Variants in LCMT1 observed in about 807,000 individuals in gnomAD.
LCMT1 encodes the protein [Phosphatase 2A protein]-leucine-carboxy methyltransferase 1.
In LCMT1, 32 loss-of-function variants were observed where a neutral mutation model predicts 47.7. The ratio of observed to expected loss-of-function variants is 0.67; its 90% CI spans 0.51 to 0.90. The LOEUF is 0.90. Among genes scored for constraint, LCMT1 ranks in the 40% least tolerant of loss-of-function variants. The pLI, the probability that LCMT1 is intolerant of heterozygous loss-of-function variation, is 0.00. For missense variants in LCMT1, 375 were observed against 415.2 expected, an observed-to-expected ratio of 0.90 and a Z score of 0.84; for synonymous variants, 152 against 149.7, an observed-to-expected ratio of 1.02 and a Z score of -0.11.
At chr16:25,149,694 G>C (rs1220491411) in intron 4 of LCMT1, among the ~76,000 whole-genome samples, 1 of 152,168 alleles carries the variant, frequency 6.6e-6, no homozygotes, top group Admixed American at 6.5e-5. Flanking sequence ...CTGGTGGATT[G>C]CTTGAGCCCA....
At chr16:25,174,618 G>T (rs1389836512) in intron 9 of LCMT1, 1 of 174,194 alleles carries the variant, frequency 5.7e-6, no homozygotes, top group Non-Finnish European at 1.2e-5. Context: ...AATTTACTCT[G>T]CCTGTCTCCT....
chr16:25,113,232 A>C (rs1407874261), intron 1 of LCMT1, among the ~76,000 whole-genome samples: 1 of 151,912 alleles, frequency 6.6e-6, no homozygotes, highest in Non-Finnish European at 1.5e-5. Context: ...TGTTAGAGGA[A>C]CTCAAAAAAT....
intron 1 of LCMT1, among the ~76,000 whole-genome samples, chr16:25,120,671 T>G (rs1008092778): frequency 1.3e-5 from 2 of 151,722 alleles, no homozygotes; most frequent in African/African-American, 2.4e-5. Context: ...TCATGTGATC[T>G]GCTTGCCTTG....
intron 5 of LCMT1, among the ~76,000 whole-genome samples, chr16:25,158,392 C>G (rs1961324762): frequency 6.6e-6 from 1 of 152,270 alleles, no homozygotes; most frequent in Admixed American, 6.5e-5. Context: ...GTCTTGGCCT[C>G]CCAAAGTGCT....
At chr16:25,132,227 C>CAA (rs201097797) in intron 2 of LCMT1, 175 bp from the exon 3 acceptor site, 171 of 584,626 alleles carry the variant, frequency 2.9e-4, no homozygotes, top group Non-Finnish European at 3.5e-4. Flanking sequence ...TGCCTTTAAC[C>CAA]AAAAAAAAAA....
At chr16:25,148,516 G>A (rs1960948184) in intron 4 of LCMT1, among the ~76,000 whole-genome samples, 1 of 152,172 alleles carries the variant, frequency 6.6e-6, no homozygotes, top group African/African-American at 2.4e-5. Flanking sequence ...GCACCCAGTA[G>A]TTCCTTCCAG....
At chr16:25,151,932 T>C (rs1397931435) in intron 5 of LCMT1, among the ~76,000 whole-genome samples, 1 of 90,838 alleles carries the variant, frequency 1.1e-5, no homozygotes, top group Non-Finnish European at 2.4e-5. Context: ...TGAACATACA[T>C]ATTTAATAAG....
chr16:25,155,674 T>C (rs969126549), intron 5 of LCMT1, among the ~76,000 whole-genome samples: 9 of 136,190 alleles, frequency 6.6e-5, no homozygotes, highest in Non-Finnish European at 1.4e-4. Flanking sequence ...CTTTCTTTCT[T>C]TCTTTTTTTT....
rs540410935 is a variant in LCMT1, at chr16:25,147,719, TCTCA to T, written c.405-3831_405-3828del. 184 of 151,918 alleles carry T rather than the reference TCTCA, an allele frequency of 1.2e-3. 1 individual carries two copies. Among genetic ancestry groups the T allele is most frequent in the African/African-American group, 4.3e-3 (178 of 41,408 alleles). 9.4% of individuals were successfully genotyped at this position (151,918 alleles called of 1,614,324 possible). ...AAAAAAATTTGATTTTGAGGCAGGGTCTCACTCCATTGCCCAGGTTGGAGTGCTA... is the reference window on the plus strand; with the variant it reads ...AAAAAAATTTGATTTTGAGGCAGGGTCTCCATTGCCCAGGTTGGAGTGCTA... On this transcript the variant is annotated intron_variant, in intron 4 of 10. Transcript: ENST00000399069.
intron 5 of LCMT1, among the ~76,000 whole-genome samples, chr16:25,153,473 CT>C (rs1961140028): frequency 1.3e-5 from 2 of 151,792 alleles, no homozygotes; most frequent in Non-Finnish European, 2.9e-5. Context: ...TCAGAACACA[CT>C]CCCAATCCCA....
intron 4 of LCMT1, chr16:25,145,504 C>T (rs1219111037): frequency 1.3e-5 from 2 of 152,130 alleles, no homozygotes; most frequent in Non-Finnish European, 2.9e-5. Context: ...GAGAGGGCTA[C>T]ACAAAAGAAA....
intron 8 of LCMT1, among the ~76,000 whole-genome samples, chr16:25,169,765 T>A (rs1567328965): frequency 6.6e-6 from 1 of 151,958 alleles, no homozygotes; most frequent in Non-Finnish European, 1.5e-5. Context: ...ACCTTTTTTT[T>A]ATAGTTGATG....
intron 3 of LCMT1, among the ~76,000 whole-genome samples, chr16:25,135,770 C>A (rs1960485846): frequency 6.6e-6 from 1 of 151,994 alleles, no homozygotes; most frequent in South Asian, 2.1e-4. Context: ...AGGAACAGGA[C>A]AAAGAAGAGT....
At chr16:25,147,187 G>A (rs752094807) in intron 4 of LCMT1, 2 of 152,140 alleles carry the variant, frequency 1.3e-5, no homozygotes, top group Non-Finnish European at 2.9e-5. Flanking sequence ...CTACCAAAGT[G>A]TTTTTTACAT....
intron 1 of LCMT1, among the ~76,000 whole-genome samples, chr16:25,120,636 C>T (rs1314982217): frequency 2.0e-5 from 3 of 151,760 alleles, no homozygotes. Context: ...CACCATGTAG[C>T]CAGTCTGTTC....
chr16:25,124,123 C>G (rs528170457), intron 1 of LCMT1, among the ~76,000 whole-genome samples: 2 of 152,168 alleles, frequency 1.3e-5, no homozygotes, highest in Non-Finnish European at 2.9e-5. Context: ...ATCTGTCTCT[C>G]AAGAGTCCAT....
intron 1 of LCMT1, among the ~76,000 whole-genome samples, chr16:25,120,226 T>C (rs1959928064): frequency 1.3e-5 from 2 of 151,032 alleles, no homozygotes; most frequent in Admixed American, 1.3e-4. Context: ...ATGGGTTTTT[T>C]TGTTTTGTTT....
chr16:25,154,293 G>C (rs1219466074), intron 5 of LCMT1, among the ~76,000 whole-genome samples: 1 of 151,830 alleles, frequency 6.6e-6, no homozygotes, highest in African/African-American at 2.4e-5. Context: ...TTACAGGCGT[G>C]AGCCACTGGG....
intron 10 of LCMT1, among the ~76,000 whole-genome samples, chr16:25,177,152 C>T (rs1961972485): frequency 1.1e-5 from 1 of 89,666 alleles, no homozygotes; most frequent in Admixed American, 1.1e-4. Context: ...TGTACTCCAG[C>T]CTGGGCAACA....
Sources: gnomAD v4.1 joint callset for allele counts (sites outside exome capture counted in the v4.1 genomes callset) on GRCh38, gnomAD v4.1.1 for gene constraint, MANE v1.5 for transcripts, NCBI Gene and HGNC (gene_info 2026-07-23, HGNC 2026-07-21) for gene names.